The following SETD7 variants were observed in gnomAD, a reference collection of about 807,000 sequenced individuals.
SETD7 encodes the protein histone-lysine N-methyltransferase SETD7.
A neutral mutation model predicts 41.8 loss-of-function variants in SETD7; 16 were observed. The observed-to-expected ratio is 0.38, with a 90% CI of 0.26 to 0.58. SETD7 has a LOEUF of 0.58. SETD7 is among the 20% of genes least tolerant of loss of function. SETD7 has a pLI of 0.64. For synonymous variants in SETD7, 163 were observed against 169.7 expected (o/e 0.96, Z 0.31); for missense variants, 346 against 459.7 (o/e 0.75, Z 2.26).
intron 7 of SETD7, among the ~76,000 whole-genome samples, chr4:139,496,735 T>C (rs528158878): frequency 3.7e-4 from 56 of 152,328 alleles, no homozygotes; most frequent in Admixed American, 6.5e-4. Context: ...GACTGTGTTA[T>C]GGTTGTTCTT....
chr4:139,504,958 C>A (rs564261776), downstream of SETD7, among the ~76,000 whole-genome samples: 12 of 152,064 alleles, frequency 7.9e-5, no homozygotes, highest in Non-Finnish European at 1.3e-4. Context: ...TTGACCCATG[C>A]GTGTTAGAGG....
intron 5 of SETD7, among the ~76,000 whole-genome samples, chr4:139,520,675 T>A (rs948670669): frequency 6.6e-6 from 1 of 152,220 alleles, no homozygotes; most frequent in African/African-American, 2.4e-5. Context: ...ATATGAGGTA[T>A]TTTTTGGAAG....
intron 2 of SETD7, among the ~76,000 whole-genome samples, chr4:139,543,823 G>A (rs1170085110): frequency 6.9e-6 from 1 of 145,910 alleles, no homozygotes; most frequent in African/African-American, 2.5e-5. Flanking sequence ...AATTAGCCGG[G>A]CGTGGTGGTG....
intron 2 of SETD7, among the ~76,000 whole-genome samples, chr4:139,543,821 G>A (rs1482666465): frequency 1.6e-4 from 22 of 133,572 alleles, no homozygotes; most frequent in Admixed American, 4.5e-4. Flanking sequence ...AAAATTAGCC[G>A]GGCGTGGTGG....
intron 2 of SETD7, among the ~76,000 whole-genome samples, chr4:139,535,123 C>T (rs1319573543): frequency 6.6e-6 from 1 of 151,826 alleles, no homozygotes; most frequent in Non-Finnish European, 1.5e-5. Context: ...TCATTAGACT[C>T]CCACAATTAA....
chr4:139,513,960 T>C (rs993451369), intron 7 of SETD7, among the ~76,000 whole-genome samples: 4 of 152,230 alleles, frequency 2.6e-5, no homozygotes, highest in African/African-American at 9.6e-5. Context: ...GAATTCCTTA[T>C]GAAAATCACA....
chr4:139,526,486 G>A (rs1193645452), intron 4 of SETD7, among the ~76,000 whole-genome samples: 4 of 139,664 alleles, frequency 2.9e-5, no homozygotes, highest in African/African-American at 1.1e-4. Flanking sequence ...ATCTTACCAT[G>A]CTGCCTAGGC....
chr4:139,533,210 C>T lies in SETD7; in HGVS notation c.327G>A (p.Gln109=), dbSNP rs747569308. ...DTDGRLIFKG[Q]YKDNIRHGVC... Reference sequence around the variant, plus strand: ...CTCCATGACGAATGTTATCTTTATACTGCCCCTTGAAGATCAGTCTCCCAT... The same window carrying T: ...CTCCATGACGAATGTTATCTTTATATTGCCCCTTGAAGATCAGTCTCCCAT... The change falls in exon 3 of 8, where the codon CAG becomes CAA. Residue 109 remains glutamine (Q), a synonymous_variant. Coordinates refer to ENST00000274031, the MANE Select transcript of SETD7 (RefSeq NM_030648.4). The T allele has an allele frequency of 8.7e-6, 14 of 1,614,202 alleles. No homozygotes were observed. In the Admixed American group the frequency reaches 1.0e-4, roughly 12 times the overall value.
intron 7 of SETD7, among the ~76,000 whole-genome samples, chr4:139,497,506 G>C (rs1216439456): frequency 5.3e-5 from 8 of 151,492 alleles, no homozygotes; most frequent in African/African-American, 1.7e-4. Flanking sequence ...CCCTGGAAGT[G>C]GTGTCTTAAT....
chr4:139,543,603 T>C (rs1727838408), intron 2 of SETD7, among the ~76,000 whole-genome samples: 1 of 152,104 alleles, frequency 6.6e-6, no homozygotes, highest in African/African-American at 2.4e-5. Flanking sequence ...TAACACTATT[T>C]TTCCTTGATT....
chr4:139,533,489 C>T (rs1686130659), intron 2 of SETD7, 123 bp from the exon 3 acceptor site: 1 of 777,232 alleles, frequency 1.3e-6, no homozygotes, highest in African/African-American at 1.7e-5. Context: ...TTCAGCGCAG[C>T]CTCCTAAATT....
rs886878742 is a variant in SETD7, at chr4:139,496,046, G to A, written c.*307C>T. Reference sequence around the variant, plus strand: ...CCAGCTGAAATCCTTATCCACATGTGGTCAGTCTGGTTTTATCTACACCCA... The same window carrying A: ...CCAGCTGAAATCCTTATCCACATGTAGTCAGTCTGGTTTTATCTACACCCA... On this transcript the variant is annotated 3_prime_UTR_variant, in exon 8 of 8. Coordinates refer to the SETD7 transcript ENST00000506866. 1.4e-5 allele frequency: 3 copies of A among 216,238 alleles called. No individual in the cohort carries two copies. In the East Asian group the frequency reaches 3.5e-4, roughly 25 times the overall value. The allele number at this position is 216,238 out of a possible 1,614,324, so 13.4% of individuals were successfully genotyped here. A position where few individuals can be genotyped will look rare whatever the true frequency, so the allele number is the denominator to read the frequency against.
chr4:139,527,285 A>C (rs1440942754), intron 4 of SETD7, among the ~76,000 whole-genome samples: 3 of 152,214 alleles, frequency 2.0e-5, no homozygotes, highest in Non-Finnish European at 4.4e-5. Context: ...TGGGTGCAGT[A>C]GTTTATGTCT....
chr4:139,498,220 C>G (rs75655046), intron 7 of SETD7, among the ~76,000 whole-genome samples: 3 of 152,184 alleles, frequency 2.0e-5, no homozygotes, highest in African/African-American at 7.2e-5. Context: ...GACTGCCCCC[C>G]ACCCAGGGCT....
chr4:139,544,679 C>T (rs1246447583), intron 2 of SETD7, among the ~76,000 whole-genome samples: 1 of 152,172 alleles, frequency 6.6e-6, no homozygotes, highest in East Asian at 1.9e-4. Context: ...CATCAGTACT[C>T]TGTGTATCAG....
At chr4:139,520,894 G>C (rs1244674736) in intron 5 of SETD7, among the ~76,000 whole-genome samples, 1 of 152,208 alleles carries the variant, frequency 6.6e-6, no homozygotes, top group Non-Finnish European at 1.5e-5. Flanking sequence ...CCCAGCAAAA[G>C]GGTTCATAAC....
chr4:139,510,298 G>C lies in SETD7; in HGVS notation c.*1365C>G, dbSNP rs1287538649. ...AGCCGCTGCATCGAGGTGTCTAAAA[G>C]AGACAAAGCTATGGCATGTGGTGAG... is the stretch of plus-strand genomic sequence containing the variant. On this transcript the variant is annotated 3_prime_UTR_variant, in exon 8 of 8. Coordinates refer to ENST00000274031, the MANE Select transcript of SETD7 (RefSeq NM_030648.4). 6.6e-6 allele frequency: 1 copy of C among 152,192 alleles called. No individual in the cohort carries two copies. The highest frequency in any genetic ancestry group is 1.5e-5 in the Non-Finnish European group (1 of 68,038). The allele number at this position is 152,192 out of a possible 1,614,324, so 9.4% of individuals were successfully genotyped here. A position where few individuals can be genotyped will look rare whatever the true frequency, so the allele number is the denominator to read the frequency against.
At chr4:139,496,576 T>C in intron 7 of SETD7, 2 of 678,050 alleles carry the variant, frequency 2.9e-6, no homozygotes, top group Non-Finnish European at 5.3e-6. Flanking sequence ...TTAAGGTACA[T>C]AGATCTCAAG....
intron 1 of SETD7, among the ~76,000 whole-genome samples, chr4:139,551,442 C>G (rs1728107177): frequency 6.6e-6 from 1 of 152,194 alleles, no homozygotes; most frequent in Admixed American, 6.5e-5. Context: ...TCACTTTATT[C>G]TATGGTCATT....
Sources: gnomAD v4.1 joint callset for allele counts (sites outside exome capture counted in the v4.1 genomes callset) on GRCh38, gnomAD v4.1.1 for gene constraint, MANE v1.5 for transcripts, NCBI Gene and HGNC (gene_info 2026-07-23, HGNC 2026-07-21) for gene names.